The following MFHAS1 variants were observed in gnomAD, a reference collection of about 807,000 sequenced individuals.
MFHAS1 encodes malignant fibrous histiocytoma-amplified sequence 1.
A neutral mutation model predicts 70.4 loss-of-function variants in MFHAS1; 50 were observed. The observed-to-expected ratio is 0.71, with a 90% confidence interval of 0.57 to 0.90. The LOEUF is 0.90. MFHAS1 is among the 40% of genes least tolerant of loss of function. The pLI is 0.00. For synonymous variants in MFHAS1, 952 were observed against 620.0 expected, an observed-to-expected ratio of 1.54 and a Z score of -7.96; for missense variants, 1,795 against 1,347.6, an observed-to-expected ratio of 1.33 and a Z score of -5.20.
chr8:8,827,434 T>C (rs904284032), intron 1 of MFHAS1, among the ~76,000 whole-genome samples: 8 of 152,242 alleles, frequency 5.3e-5, no homozygotes, highest in African/African-American at 1.4e-4. Context: ...GTGGGTATTA[T>C]CAGACTTAGC....
chr8:8,877,756 A>G (rs1464459010), intron 1 of MFHAS1, among the ~76,000 whole-genome samples: 2 of 152,192 alleles, frequency 1.3e-5, no homozygotes, highest in Admixed American at 6.5e-5. Flanking sequence ...CAAGGTCTCA[A>G]GAGAGCCCAG....
At chr8:8,811,386 C>G (rs895472913) in intron 1 of MFHAS1, among the ~76,000 whole-genome samples, 1 of 151,972 alleles carries the variant, frequency 6.6e-6, no homozygotes, top group Non-Finnish European at 1.5e-5. Context: ...TAGCTCACTG[C>G]AGTCTCAGCA....
At chr8:8,853,013 C>T (rs981941179) in intron 1 of MFHAS1, among the ~76,000 whole-genome samples, 3 of 152,098 alleles carry the variant, frequency 2.0e-5, no homozygotes, top group Non-Finnish European at 2.9e-5. Context: ...CCCAATATCA[C>T]CCAAAGGAAG....
At chr8:8,854,812 A>G (rs557327024) in intron 1 of MFHAS1, among the ~76,000 whole-genome samples, 134 of 152,370 alleles carry the variant, frequency 8.8e-4, no homozygotes, top group African/African-American at 3.0e-3. Flanking sequence ...AGATGTATAC[A>G]TGAGACCCAC....
chr8:8,882,874 T>C (rs2116932601), intron 1 of MFHAS1, among the ~76,000 whole-genome samples: 1 of 152,182 alleles, frequency 6.6e-6, no homozygotes, highest in South Asian at 2.1e-4. Context: ...TGAACCAGGC[T>C]GGGTGCGGTG....
intron 2 of MFHAS1, among the ~76,000 whole-genome samples, chr8:8,791,445 T>G (rs543457722): frequency 6.6e-6 from 1 of 152,318 alleles, no homozygotes; most frequent in South Asian, 2.1e-4. Flanking sequence ...GTAGATAAAC[T>G]GGGTTATCTG....
chr8:8,791,594 C>T (rs1805721342), intron 2 of MFHAS1, among the ~76,000 whole-genome samples: 1 of 152,194 alleles, frequency 6.6e-6, no homozygotes, highest in Admixed American at 6.5e-5. Context: ...GAGAAGCTCA[C>T]ACTCCCTGGG....
chr8:8,816,624 G>A (rs752655311), intron 1 of MFHAS1, among the ~76,000 whole-genome samples: 1 of 152,194 alleles, frequency 6.6e-6, no homozygotes, highest in African/African-American at 2.4e-5. Flanking sequence ...TATTCTATGA[G>A]ATGAAATTCA....
chr8:8,817,714 G>A (rs1295150166), intron 1 of MFHAS1, among the ~76,000 whole-genome samples: 1 of 152,360 alleles, frequency 6.6e-6, no homozygotes, highest in Non-Finnish European at 1.5e-5. Context: ...GGAGGAGGGG[G>A]ATGGTTTCTG....
At chr8:8,814,496 A>G (rs1465308621) in intron 1 of MFHAS1, among the ~76,000 whole-genome samples, 1 of 152,198 alleles carries the variant, frequency 6.6e-6, no homozygotes, top group East Asian at 1.9e-4. Flanking sequence ...AACATATGCA[A>G]ATTGTTAAGC....
intron 1 of MFHAS1, among the ~76,000 whole-genome samples, chr8:8,847,671 G>A (rs1808086546): frequency 6.6e-6 from 1 of 152,150 alleles, no homozygotes; most frequent in East Asian, 1.9e-4. Flanking sequence ...CATGACAGAC[G>A]TATAAAACAA....
intron 1 of MFHAS1, among the ~76,000 whole-genome samples, chr8:8,888,749 T>G (rs929239026): frequency 6.6e-6 from 1 of 152,176 alleles, no homozygotes; most frequent in African/African-American, 2.4e-5. Flanking sequence ...GCAGTAGAAC[T>G]ACTCTGTATG....
At position 8,890,321 on chromosome 8, in the gene MFHAS1, T is replaced by A. The variant is rs748875366; in HGVS notation, c.2738A>T (p.Lys913Ile). ...CCCTCTATAGGCAAAGATCTGAAAT[T>A]TACCATCCGACCTGTGCACCACATG... is the stretch of plus-strand genomic sequence containing the variant. The part of the protein sequence containing the change: ...NSHVVHRSDG[K>I]FQIFAYRGKV... Residue 913 changes from lysine (K) to isoleucine (I), a missense_variant, in exon 1 of 3, where the codon AAA (lysine) becomes ATA (isoleucine). Coordinates refer to ENST00000276282, the MANE Select transcript of MFHAS1 (RefSeq NM_004225.3). 1 of 1,614,188 alleles carries A rather than the reference T, an allele frequency of 6.2e-7. No homozygotes were observed. Among genetic ancestry groups the A allele is most frequent in the South Asian group, 1.1e-5 (1 of 91,084 alleles).
intron 1 of MFHAS1, among the ~76,000 whole-genome samples, chr8:8,879,522 A>G (rs1378774571): frequency 2.6e-5 from 4 of 152,186 alleles, no homozygotes; most frequent in Non-Finnish European, 4.4e-5. Flanking sequence ...CTGAAAGTCA[A>G]CTCAAAAGAA....
At chr8:8,863,144 T>G (rs1196794703) in intron 1 of MFHAS1, among the ~76,000 whole-genome samples, 3 of 152,232 alleles carry the variant, frequency 2.0e-5, no homozygotes, top group African/African-American at 7.2e-5. Flanking sequence ...CATAATCAAT[T>G]GGGCATGTAT....
intron 1 of MFHAS1, among the ~76,000 whole-genome samples, chr8:8,879,887 C>T (rs373130878): frequency 8.8e-4 from 134 of 152,338 alleles, no homozygotes; most frequent in African/African-American, 3.1e-3. Context: ...TCACTGCCAC[C>T]ATCACCACCC....
intron 1 of MFHAS1, among the ~76,000 whole-genome samples, chr8:8,829,544 G>T (rs3789849): frequency 3.9e-5 from 6 of 151,936 alleles, no homozygotes; most frequent in Admixed American, 3.3e-4. Flanking sequence ...AGCCAAGCAA[G>T]GTGGCAGGCA....
chr8:8,876,594 G>C (rs528348423), intron 1 of MFHAS1, among the ~76,000 whole-genome samples: 2 of 151,926 alleles, frequency 1.3e-5, no homozygotes, highest in African/African-American at 4.8e-5. Flanking sequence ...AATTAGCCGG[G>C]CATAGTGGTG....
At chr8:8,815,706 G>T (rs1806716413) in intron 1 of MFHAS1, among the ~76,000 whole-genome samples, 1 of 152,132 alleles carries the variant, frequency 6.6e-6, no homozygotes. Context: ...TGTTGCTGAG[G>T]ATGTGGGGGA....
Sources: gnomAD v4.1 joint callset for allele counts (sites outside exome capture counted in the v4.1 genomes callset) on GRCh38, gnomAD v4.1.1 for gene constraint, MANE v1.5 for transcripts, NCBI Gene and HGNC (gene_info 2026-07-23, HGNC 2026-07-21) for gene names.